Variants in SLC5A4 observed in about 807,000 individuals in gnomAD.
SLC5A4 encodes the protein solute carrier family 5 member 4.
SLC5A4 carries 55 observed loss-of-function variants against 70.3 expected under a neutral mutation model. That is an observed-to-expected ratio of 0.78 (90% CI 0.63 to 0.98). The LOEUF (loss-of-function observed/expected upper bound fraction) is 0.98. Among genes scored for constraint, SLC5A4 ranks in the 50% least tolerant of loss-of-function variants. The pLI, the probability that SLC5A4 is intolerant of heterozygous loss-of-function variation, is 0.00. For missense variants in SLC5A4, 735 were observed against 839.2 expected, an observed-to-expected ratio of 0.88 and a Z score of 1.53; for synonymous variants, 268 against 305.7, an observed-to-expected ratio of 0.88 and a Z score of 1.29.
the SLC5A4 span, among the ~76,000 whole-genome samples, chr22:32,283,868 CCT>C: frequency 0.013 from 1,910 of 152,198 alleles, 36 homozygotes; most frequent in African/African-American, 0.044. Context: ...CCAGCACACC[CCT>C]GAGAATGGTT....
chr22:32,322,599 T>A, the SLC5A4 span, among the ~76,000 whole-genome samples: 8 of 138,232 alleles, frequency 5.8e-5, no homozygotes, highest in South Asian at 1.2e-3. Context: ...AAAAAAAAAA[T>A]TATTGGAAAA....
intron 5 of SLC5A4, among the ~76,000 whole-genome samples, chr22:32,239,499 T>TC (rs1966581901): frequency 1.8e-5 from 2 of 112,904 alleles, no homozygotes; most frequent in African/African-American, 6.3e-5. Context: ...GTCACTGCAC[T>TC]CCAGCCTGGG....
chr22:32,261,117 T>C, the SLC5A4 span, among the ~76,000 whole-genome samples: 34,353 of 150,920 alleles, frequency 0.23, 5,891 homozygotes, highest in African/African-American at 0.49. Context: ...CCCAGGAGAC[T>C]CACACTTCTC....
In SLC5A4 at chr22:32,251,793, C is replaced by T. The variant is rs376375002; in HGVS notation, c.289G>A (p.Ala97Thr). Reference protein sequence around the residue: ...LAGTGAASGVATVTFEWTSSV... With the variant: ...LAGTGAASGVTTVTFEWTSSV... ...ACAGTCCATTCAAATGTTACGGTGG[C>T]GACTCCTGAAGCTGCTCCTGTCCCA... is the stretch of plus-strand genomic sequence containing the variant. Residue 97 changes from alanine (A) to threonine (T), a missense_variant, in exon 3 of 15, where the codon GCC becomes ACC. Coordinates refer to ENST00000266086, the MANE Select transcript of SLC5A4 (RefSeq NM_014227.3). The T allele has an allele frequency of 5.1e-5, 83 of 1,611,976 alleles. 1 individual carries two copies. In the East Asian group the frequency reaches 7.6e-4, roughly 15 times the overall value.
intron 5 of SLC5A4, among the ~76,000 whole-genome samples, chr22:32,242,225 A>G (rs1926573193): frequency 6.6e-6 from 1 of 152,150 alleles, no homozygotes; most frequent in South Asian, 2.1e-4. Context: ...ACCCCTCCCC[A>G]CTAAAGGAGC....
chr22:32,287,117 A>T, the SLC5A4 span, among the ~76,000 whole-genome samples: 1 of 152,220 alleles, frequency 6.6e-6, no homozygotes, highest in Non-Finnish European at 1.5e-5. Context: ...TTAAAAGCAG[A>T]CTAAGTTTTT....
the SLC5A4 span, chr22:32,354,941 G>C: frequency 6.6e-6 from 1 of 152,486 alleles, no homozygotes; most frequent in Non-Finnish European, 1.5e-5. Context: ...TAATGAAGTT[G>C]CTCCTCCTCC....
the SLC5A4 span, chr22:32,271,997 C>T: frequency 1.6e-6 from 1 of 617,184 alleles, no homozygotes; most frequent in South Asian, 1.8e-5. Flanking sequence ...AGCAGTGCAT[C>T]CACCCCCAGG....
chr22:32,348,483 G>A, the SLC5A4 span, among the ~76,000 whole-genome samples: 1 of 152,182 alleles, frequency 6.6e-6, no homozygotes, highest in Non-Finnish European at 1.5e-5. Flanking sequence ...GGAGGGGAGA[G>A]CTGGGGGTGG....
chr22:32,352,603 C>T, the SLC5A4 span, among the ~76,000 whole-genome samples: 41,875 of 151,954 alleles, frequency 0.28, 7,338 homozygotes, highest in African/African-American at 0.51. Flanking sequence ...GCACCTCCAC[C>T]GCTGTCACAG....
the SLC5A4 span, among the ~76,000 whole-genome samples, chr22:32,302,741 T>A: frequency 5.3e-5 from 8 of 152,222 alleles, no homozygotes; most frequent in African/African-American, 1.7e-4. Flanking sequence ...AGCAGTAAAA[T>A]TGGGTTGAGT....
chr22:32,309,130 G>T, the SLC5A4 span, among the ~76,000 whole-genome samples: 1 of 152,142 alleles, frequency 6.6e-6, no homozygotes, highest in Non-Finnish European at 1.5e-5. Flanking sequence ...GCTTCTCTAG[G>T]TGCAGGGCAT....
rs770585379 is a variant in SLC5A4 at position 32,231,117 on chromosome 22, G to A, written c.1022-42C>T. On this transcript the variant is annotated intron_variant, in intron 9 of 14. Coordinates refer to ENST00000266086, the MANE Select transcript of SLC5A4 (RefSeq NM_014227.3). ...AAGTGAGTCCAATGAGGCCCAAATA[G>A]GCAAAACCAACAACCATTAAACAAA... 3 of 1,176,618 alleles carry A rather than the reference G, an allele frequency of 2.5e-6. No individual in the cohort carries two copies. The Admixed American group carries it at 5.1e-5, about 20-fold the overall frequency. The allele number at this position is 1,176,618 out of a possible 1,614,324, so 72.9% of individuals were successfully genotyped here.
the SLC5A4 span, among the ~76,000 whole-genome samples, chr22:32,312,885 ATT>A: frequency 3.9e-5 from 6 of 152,072 alleles, no homozygotes; most frequent in African/African-American, 1.4e-4. Flanking sequence ...CACTGGGGAC[ATT>A]TCTCTCTGGC....
At chr22:32,243,105 G>T (rs1008385131) in intron 5 of SLC5A4, among the ~76,000 whole-genome samples, 2 of 152,168 alleles carry the variant, frequency 1.3e-5, no homozygotes, top group Non-Finnish European at 2.9e-5. Flanking sequence ...CACCATTGAG[G>T]AACAGACGGG....
At position 32,239,573 on chromosome 22, in the gene SLC5A4, TATATATATTTATATATATATAAATTA is replaced by T. The variant is rs1467537770; in HGVS notation, c.478-509_478-484del. Among the ~76,000 whole-genome samples, 17 of 25,272 alleles carry T rather than the reference TATATATATTTATATATATATAAATTA, an allele frequency of 6.7e-4. 3 individuals carry two copies. Among genetic ancestry groups the T allele is most frequent in the African/African-American group, 3.8e-3 (13 of 3,378 alleles). The allele number at this position is 25,272 out of a possible 152,430, so 16.6% of individuals were successfully genotyped here. A position where few individuals can be genotyped will look rare whatever the true frequency, so the allele number is the denominator to read the frequency against. On this transcript the variant is annotated intron_variant, in intron 5 of 14. Transcript: ENST00000266086. The stretch of plus-strand genomic sequence containing the variant: ...ATATATATATATATATATATATTTA[TATATATATTTATATATATATAAATTA>T]TATAAAATATATGTATAATATATAA...
chr22:32,289,981 G>A, the SLC5A4 span, among the ~76,000 whole-genome samples: 4 of 152,150 alleles, frequency 2.6e-5, no homozygotes, highest in Non-Finnish European at 5.9e-5. Context: ...CTCTGGAAGA[G>A]CTTGTGTATG....
At chr22:32,308,075 A>C in the SLC5A4 span, among the ~76,000 whole-genome samples, 1 of 150,490 alleles carries the variant, frequency 6.6e-6, no homozygotes, top group Non-Finnish European at 1.5e-5. Context: ...CTTCCTTCTT[A>C]CCTACCTACC....
chr22:32,235,074 A>T lies in SLC5A4; in HGVS notation c.684T>A (p.Gly228=). The T allele has an allele frequency of 6.2e-7, 1 of 1,613,332 alleles. No homozygotes were observed. The highest frequency in any genetic ancestry group is 8.5e-7 in the Non-Finnish European group (1 of 1,179,674). Residue 228 remains glycine, a synonymous_variant, in exon 8 of 15, where the codon GGT becomes GGA. Transcript: ENST00000266086. ...CGTACTTCTCGGTAAAGCTCTCATA[A>T]CCTCCAACTTCGTTAAATGCTAAAA... is the stretch of plus-strand genomic sequence containing the variant. ...LMGFAFNEVG[G]YESFTEKYVN...
Sources: allele counts gnomAD v4.1 joint callset (sites outside exome capture counted in the v4.1 genomes callset), GRCh38; gene constraint gnomAD v4.1.1; transcripts MANE v1.5; gene names NCBI Gene and HGNC (gene_info 2026-07-23, HGNC 2026-07-21).